The following TLK2 variants were observed in gnomAD, a reference collection of about 807,000 sequenced individuals.
TLK2 encodes the protein serine/threonine-protein kinase tousled-like 2.
A neutral mutation model predicts 117.3 loss-of-function variants in TLK2; 6 were observed. That is an observed-to-expected ratio of 0.05 (90% CI 0.03 to 0.10). The LOEUF (loss-of-function observed/expected upper bound fraction) is 0.10. Ranked by LOEUF, TLK2 falls within the 10% of genes least tolerant of loss-of-function variation. TLK2 has a pLI of 1.00. For synonymous variants in TLK2, 257 were observed against 316.7 expected (o/e 0.81, Z 2.00); for missense variants, 299 against 901.2 (o/e 0.33, Z 8.56).
intron 13 of TLK2, 138 bp downstream of exon 13, chr17:62,576,913 C>A (rs892733537): frequency 2.8e-5 from 17 of 605,902 alleles, no homozygotes; most frequent in African/African-American, 2.8e-4. Context: ...CTTTCACTGT[C>A]ATGTCTTGTA....
chr17:62,554,112 C>T (rs2078673144), intron 9 of TLK2, among the ~76,000 whole-genome samples: 1 of 152,134 alleles, frequency 6.6e-6, no homozygotes, highest in Non-Finnish European at 1.5e-5. Flanking sequence ...TTTCAAAGGA[C>T]TTATTAGCCC....
rs573920242 is a variant in TLK2 at position 62,610,219 on chromosome 17, A to C, written c.2079+2071A>C. The stretch of plus-strand genomic sequence containing the variant: ...CTGTTAGATGAACTTGTTGTGAAGA[A>C]TACAGAAGTATCTCCAAATGTTTCT... On this transcript the variant is annotated intron_variant, in intron 21 of 21. Transcript: ENST00000346027. 1.4e-4 allele frequency among the ~76,000 whole-genome samples: 21 copies of C among 152,372 alleles called. No individual in the cohort carries two copies. In the East Asian group the frequency reaches 4.0e-3, roughly 29 times the overall value.
chr17:62,598,742 C>T (rs2082664462), intron 17 of TLK2, among the ~76,000 whole-genome samples: 1 of 151,894 alleles, frequency 6.6e-6, no homozygotes, highest in Non-Finnish European at 1.5e-5. Flanking sequence ...GCAGGCTGGT[C>T]TTGAACTCTT....
chr17:62,550,115 G>A (rs2078330512), intron 7 of TLK2: 1 of 152,416 alleles, frequency 6.6e-6, no homozygotes, highest in Non-Finnish European at 1.5e-5. Context: ...CAGTAGCTGG[G>A]ATTACAGGTG....
chr17:62,581,895 C>G (rs2081248538), intron 15 of TLK2, among the ~76,000 whole-genome samples: 1 of 152,056 alleles, frequency 6.6e-6, no homozygotes, highest in South Asian at 2.1e-4. Context: ...GCTCTGGAAC[C>G]CTTTTCATCA....
chr17:62,517,629 G>T (rs935078637), intron 2 of TLK2, among the ~76,000 whole-genome samples: 3 of 151,994 alleles, frequency 2.0e-5, no homozygotes, highest in South Asian at 4.1e-4. Context: ...TGATCCGCCC[G>T]CCTCGGCCTC....
At chr17:62,581,132 C>T (rs2081187130) in intron 15 of TLK2, among the ~76,000 whole-genome samples, 1 of 152,028 alleles carries the variant, frequency 6.6e-6, no homozygotes, top group African/African-American at 2.4e-5. Context: ...CCTGCCTCAA[C>T]CTCTTGAGTA....
At chr17:62,476,030 T>C (rs1015730849), upstream of TLK2, among the ~76,000 whole-genome samples, 1 of 151,840 alleles carries the variant, frequency 6.6e-6, no homozygotes, top group Non-Finnish European at 1.5e-5. Context: ...CAGAATGGAG[T>C]GCAGTGGTGC....
rs1214119750 is a variant in TLK2, at chr17:62,530,602, G to A, written c.364-5568G>A. On this transcript the variant is annotated intron_variant, in intron 6 of 21. Coordinates refer to ENST00000346027, the MANE Select transcript of TLK2 (RefSeq NM_006852.6). ...CTCTGCTACTGATTTGGTGGTAGTG[G>A]TGTATGTTTTTATTTTGCCTTTTTT... 2.6e-5 allele frequency among the ~76,000 whole-genome samples: 4 copies of A among 152,300 alleles called. No homozygotes were observed. In the East Asian group the frequency reaches 7.7e-4, roughly 29 times the overall value.
intron 2 of TLK2, among the ~76,000 whole-genome samples, chr17:62,494,549 G>A (rs1348265925): frequency 6.6e-6 from 1 of 152,078 alleles, no homozygotes; most frequent in African/African-American, 2.4e-5. Flanking sequence ...GAGCCACTGC[G>A]TCTGGCCAAT....
intron 6 of TLK2, among the ~76,000 whole-genome samples, chr17:62,534,840 A>G (rs1417525538): frequency 6.6e-6 from 1 of 150,830 alleles, no homozygotes; most frequent in East Asian, 1.9e-4. Context: ...TAATTTTTGA[A>G]AAACATACTC....
Position 62,565,046 on chromosome 17 carries a change from CGCT to C in TLK2, c.878_880del (p.Arg293del). 1 of 1,613,964 alleles carries C rather than the reference CGCT, an allele frequency of 6.2e-7. No individual in the cohort carries two copies. Among genetic ancestry groups the C allele is most frequent in the Non-Finnish European group, 8.5e-7 (1 of 1,179,980 alleles). ...GTGTAGAGATAAGAGCATGCAAGAC[CGCT>C]TGAGACTGGGCCACTTTACTACTGT... On this transcript the variant is annotated inframe_deletion, in exon 11 of 22. Coordinates refer to ENST00000346027, the MANE Select transcript of TLK2 (RefSeq NM_006852.6).
At chr17:62,599,002 G>A (rs184596072) in intron 17 of TLK2, among the ~76,000 whole-genome samples, 1 of 152,074 alleles carries the variant, frequency 6.6e-6, no homozygotes, top group East Asian at 1.9e-4. Flanking sequence ...CAGTAGTGCA[G>A]TGGCATGATC....
intron 2 of TLK2, among the ~76,000 whole-genome samples, chr17:62,482,541 C>T (rs1386289672): frequency 1.3e-5 from 2 of 151,774 alleles, no homozygotes; most frequent in Non-Finnish European, 2.9e-5. Context: ...CCTCTGCCTC[C>T]TGGGTTCAAG....
intron 16 of TLK2, among the ~76,000 whole-genome samples, chr17:62,590,605 C>T (rs967299914): frequency 1.3e-5 from 2 of 150,056 alleles, no homozygotes; most frequent in Non-Finnish European, 2.9e-5. Context: ...TAGCGATTAA[C>T]CCTCTTAATC....
chr17:62,564,932 AG>A, intron 10 of TLK2, 68 bp from the exon 11 acceptor site: 1 of 1,523,368 alleles, frequency 6.6e-7, no homozygotes, highest in South Asian at 1.3e-5. Context: ...TAAATGTTTT[AG>A]TTTCTAAGAA....
At chr17:62,604,203 C>T (rs954183082) in intron 19 of TLK2, among the ~76,000 whole-genome samples, 7 of 151,810 alleles carry the variant, frequency 4.6e-5, no homozygotes, top group Non-Finnish European at 7.4e-5. Context: ...GATGGGGTTT[C>T]ACCATGTTGG....
upstream of TLK2, chr17:62,478,111 C>T (rs926269569): frequency 4.6e-5 from 7 of 151,984 alleles, no homozygotes; most frequent in African/African-American, 1.7e-4. Flanking sequence ...CCCGCCCTCC[C>T]GGGCGACGCG....
intron 4 of TLK2, among the ~76,000 whole-genome samples, chr17:62,522,793 C>G (rs2076131452): frequency 6.6e-6 from 1 of 152,018 alleles, no homozygotes; most frequent in Non-Finnish European, 1.5e-5. Context: ...TCCTCCCATT[C>G]TAAGGAATAG....
Sources: allele counts gnomAD v4.1 joint callset (sites outside exome capture counted in the v4.1 genomes callset), GRCh38; gene constraint gnomAD v4.1.1; transcripts MANE v1.5; gene names NCBI Gene and HGNC (gene_info 2026-07-23, HGNC 2026-07-21).